PLCXD2: variants seen among roughly 807,000 people sequenced by gnomAD.
PLCXD2 encodes phosphatidylinositol specific phospholipase C X domain containing 2, also known as PI-PLC X domain-containing protein 2.
A neutral mutation model predicts 28.6 loss-of-function variants in PLCXD2; 21 were observed. The observed-to-expected ratio is 0.73, with a 90% CI of 0.52 to 1.06. The LOEUF (loss-of-function observed/expected upper bound fraction) is 1.06, where lower values mean the gene tolerates loss of function less well. PLCXD2 is among the 50% of genes least tolerant of loss of function. The pLI is 0.00. For missense variants in PLCXD2, 369 were observed against 376.7 expected, an observed-to-expected ratio of 0.98 and a Z score of 0.17; for synonymous variants, 140 against 150.1, an observed-to-expected ratio of 0.93 and a Z score of 0.49.
At chr3:111,720,744 C>A in intron 3 of PLCXD2, 1 of 416,880 alleles carries the variant, frequency 2.4e-6, no homozygotes, top group East Asian at 3.6e-5. Context: ...CCATCCTGGA[C>A]TGGGTGAAAA....
intron 1 of PLCXD2, among the ~76,000 whole-genome samples, chr3:111,704,749 AT>A: frequency 6.6e-6 from 1 of 152,206 alleles, no homozygotes; most frequent in East Asian, 1.9e-4. Flanking sequence ...TATACAATAA[AT>A]TATAGTCAAT....
At chr3:111,717,110 C>T (rs6796976) in intron 3 of PLCXD2, among the ~76,000 whole-genome samples, 25,748 of 152,038 alleles carry the variant, frequency 0.17, 4,028 homozygotes, top group African/African-American at 0.42. Flanking sequence ...CCTAGCAAAT[C>T]AATGCAGTCC....
intron 3 of PLCXD2, among the ~76,000 whole-genome samples, chr3:111,716,056 C>T (rs554466243): frequency 1.3e-5 from 2 of 152,364 alleles, no homozygotes; most frequent in African/African-American, 4.8e-5. Context: ...TGCCAGAGCC[C>T]TTGCACTACT....
intron 1 of PLCXD2, among the ~76,000 whole-genome samples, chr3:111,684,327 TAAAA>T (rs1224720097): frequency 2.8e-5 from 3 of 106,796 alleles, no homozygotes; most frequent in Non-Finnish European, 3.8e-5. Context: ...AGACTCCATC[TAAAA>T]AAAAAAAAAA....
At position 111,675,049 on chromosome 3, in the gene PLCXD2, G is replaced by T; in HGVS notation, c.-197G>T. 1.7e-6 allele frequency: 1 copy of T among 600,468 alleles called. No homozygotes were observed. The highest frequency in any genetic ancestry group is 2.9e-6 in the Non-Finnish European group (1 of 343,208). 37.2% of individuals were successfully genotyped at this position (600,468 alleles called of 1,614,324 possible). ...GAGCAGATTAAGGGAGTGGAGCGGA[G>T]GCTGGGCCGGAGAGAGTGGGGACTG... On this transcript the variant is annotated 5_prime_UTR_variant, in exon 1 of 5. In the 5' UTR this introduces an upstream ATG that the reference lacks. Transcript: ENST00000477665.
chr3:111,679,355 C>G (rs1940676705), intron 1 of PLCXD2, among the ~76,000 whole-genome samples: 1 of 152,262 alleles, frequency 6.6e-6, no homozygotes, highest in African/African-American at 2.4e-5. Flanking sequence ...CCTCTCTGGT[C>G]CTTCCATATC....
intron 3 of PLCXD2, chr3:111,725,626 A>T (rs144563699): frequency 4.8e-5 from 19 of 398,584 alleles, no homozygotes; most frequent in Non-Finnish European, 7.1e-5. Context: ...ACAGTCTTAG[A>T]CACTATACAA....
intron 1 of PLCXD2, among the ~76,000 whole-genome samples, chr3:111,695,861 ATTG>A (rs1263440339): frequency 6.6e-6 from 1 of 152,212 alleles, no homozygotes; most frequent in African/African-American, 2.4e-5. Flanking sequence ...AAACTTATGA[ATTG>A]TTTATTTTTT....
intron 1 of PLCXD2, chr3:111,677,449 T>A (rs1940641516): frequency 2.0e-5 from 3 of 152,208 alleles, no homozygotes; most frequent in Non-Finnish European, 2.9e-5. Context: ...CCCTACTTCC[T>A]CTTTAACTCT....
chr3:111,724,015 A>G (rs944878619), intron 3 of PLCXD2: 2 of 152,122 alleles, frequency 1.3e-5, no homozygotes, highest in Non-Finnish European at 2.9e-5. Context: ...CCACACAGCC[A>G]TATTTCCATG....
chr3:111,722,455 A>G (rs894824472), intron 3 of PLCXD2: 1 of 152,160 alleles, frequency 6.6e-6, no homozygotes, highest in African/African-American at 2.4e-5. Flanking sequence ...AGCCATGCCC[A>G]TGAACGAAGA....
intron 1 of PLCXD2, among the ~76,000 whole-genome samples, chr3:111,687,241 A>G (rs2036995): frequency 0.44 from 66,861 of 152,118 alleles, 17,744 homozygotes; most frequent in Non-Finnish European, 0.58. Context: ...ATAGCACTCA[A>G]TGTCCTAAGT....
chr3:111,675,359 GC>G lies in PLCXD2; in HGVS notation c.115del (p.Leu39SerfsTer49). 1 of 1,614,106 alleles carries G rather than the reference GC, an allele frequency of 6.2e-7. No homozygotes were observed. The highest frequency in any genetic ancestry group is 8.5e-7 in the Non-Finnish European group (1 of 1,180,026). On this transcript the variant is annotated frameshift_variant, in exon 1 of 5. Coordinates refer to ENST00000477665, the MANE Select transcript of PLCXD2 (RefSeq NM_001185106.1). LOFTEE classifies it high-confidence loss of function. ...TCTGCAATGCCGACTGGATGGCCTC[GC>G]TCCCCCCTCACCTCCACAACCTCCC...
intron 1 of PLCXD2, among the ~76,000 whole-genome samples, chr3:111,705,629 A>C (rs1941107409): frequency 6.6e-6 from 1 of 151,680 alleles, no homozygotes; most frequent in Admixed American, 6.6e-5. Flanking sequence ...TTCCAACAAC[A>C]GTTACATACA....
intron 1 of PLCXD2, among the ~76,000 whole-genome samples, chr3:111,680,966 A>T (rs115104503): frequency 7.2e-5 from 11 of 152,278 alleles, no homozygotes; most frequent in African/African-American, 2.6e-4. Context: ...AAAAAAATCA[A>T]TCAGAACATT....
chr3:111,681,651 T>C (rs867293), intron 1 of PLCXD2, among the ~76,000 whole-genome samples: 71,080 of 152,004 alleles, frequency 0.47, 18,498 homozygotes, highest in Non-Finnish European at 0.58. Context: ...CAACCTCCAC[T>C]GGGCCCAAAT....
chr3:111,707,837 T>G (rs1195521350), intron 1 of PLCXD2, 89 bp from the exon 2 acceptor site: 22 of 1,245,386 alleles, frequency 1.8e-5, no homozygotes, highest in African/African-American at 3.0e-5. Context: ...TGGTGCTTAA[T>G]TTTTGTTTTG....
chr3:111,718,414 A>G (rs889810106), intron 3 of PLCXD2, among the ~76,000 whole-genome samples: 9 of 152,012 alleles, frequency 5.9e-5, no homozygotes, highest in African/African-American at 1.4e-4. Flanking sequence ...GCAGTGAGCC[A>G]AGATCGCGCC....
chr3:111,707,937 T>G lies in PLCXD2; in HGVS notation c.175T>G (p.Ser59Ala), dbSNP rs1409319255. ...ATTCCTTTGTACAGGCTCACATGAT[T>G]CATTCAGCTACTGGGTGGATGAAAA... The change falls in exon 2 of 5, where the codon TCA becomes GCA. Residue 59 changes from serine to alanine, a missense_variant. By Grantham distance (99) the Ser-to-Ala change is moderately conservative. Coordinates refer to ENST00000477665, the MANE Select transcript of PLCXD2 (RefSeq NM_001185106.1). The G allele has an allele frequency of 6.2e-7, 1 of 1,613,344 alleles. No individual in the cohort carries two copies. Among genetic ancestry groups the G allele is most frequent in the Admixed American group, 1.7e-5 (1 of 59,946 alleles).
Sources: allele counts gnomAD v4.1 joint callset (sites outside exome capture counted in the v4.1 genomes callset), GRCh38; gene constraint gnomAD v4.1.1; transcripts MANE v1.5; gene names NCBI Gene and HGNC (gene_info 2026-07-23, HGNC 2026-07-21).